CADPS2: variants seen among roughly 807,000 people sequenced by gnomAD.
CADPS2 encodes the protein calcium-dependent secretion activator 2.
A neutral mutation model predicts 172.5 loss-of-function variants in CADPS2; 93 were observed. The ratio of observed to expected loss-of-function variants is 0.54; its 90% CI spans 0.46 to 0.64. The LOEUF (loss-of-function observed/expected upper bound fraction) is 0.64. Among genes scored for constraint, CADPS2 ranks in the 30% least tolerant of loss-of-function variants. The pLI, the probability that CADPS2 is intolerant of heterozygous loss-of-function variation, is 0.00. For missense variants in CADPS2, 1,420 were observed against 1,565.9 expected, an observed-to-expected ratio of 0.91 and a Z score of 1.57; for synonymous variants, 546 against 555.2, an observed-to-expected ratio of 0.98 and a Z score of 0.23.
At chr7:122,523,741 C>T (rs1026090355) in intron 8 of CADPS2, among the ~76,000 whole-genome samples, 2 of 151,938 alleles carry the variant, frequency 1.3e-5, no homozygotes, top group African/African-American at 4.8e-5. Context: ...ATTTAAATAC[C>T]CTTCAAAATT....
At chr7:122,719,064 C>A (rs1445826942) in intron 2 of CADPS2, among the ~76,000 whole-genome samples, 1 of 152,090 alleles carries the variant, frequency 6.6e-6, no homozygotes, top group Non-Finnish European at 1.5e-5. Context: ...AATCCCTCTA[C>A]GTTATATAAA....
At chr7:122,807,197 T>C (rs766087107) in intron 1 of CADPS2, among the ~76,000 whole-genome samples, 1 of 152,168 alleles carries the variant, frequency 6.6e-6, no homozygotes, top group Non-Finnish European at 1.5e-5. Context: ...CCTTGGTAAG[T>C]TCATAGCCAG....
At chr7:122,619,687 C>T (rs770013642) in intron 5 of CADPS2, among the ~76,000 whole-genome samples, 5 of 151,952 alleles carry the variant, frequency 3.3e-5, no homozygotes, top group Non-Finnish European at 5.9e-5. Flanking sequence ...AATTAAGGGA[C>T]GAATTGTGTT....
intron 1 of CADPS2, among the ~76,000 whole-genome samples, chr7:122,855,412 T>G (rs1262462849): frequency 6.6e-6 from 1 of 152,174 alleles, no homozygotes; most frequent in Non-Finnish European, 1.5e-5. Context: ...AATAATATAG[T>G]CTGGAATTCA....
At position 122,820,749 on chromosome 7, in the gene CADPS2, C is replaced by T. The variant is rs1380754393; in HGVS notation, c.339+65250G>A. Reference sequence around the variant, plus strand: ...TAATTTTTTGTATTTTTAGTAGAGACGGGGTTTCACCTTGTTAGCCAGGAT... The same window carrying T: ...TAATTTTTTGTATTTTTAGTAGAGATGGGGTTTCACCTTGTTAGCCAGGAT... On this transcript the variant is annotated intron_variant, in intron 1 of 29. Transcript: ENST00000449022. Among the ~76,000 whole-genome samples, 6 of 133,570 alleles carry T rather than the reference C, an allele frequency of 4.5e-5. 1 individual carries two copies. Among genetic ancestry groups the T allele is most frequent in the Non-Finnish European group, 9.6e-5 (6 of 62,736 alleles). The allele number at this position is 133,570 out of a possible 152,430, so 87.6% of individuals were successfully genotyped here. A position where few individuals can be genotyped will look rare whatever the true frequency, so the allele number is the denominator to read the frequency against.
intron 1 of CADPS2, among the ~76,000 whole-genome samples, chr7:122,748,159 AG>A (rs2092797531): frequency 2.6e-5 from 4 of 152,172 alleles, no homozygotes; most frequent in Non-Finnish European, 4.4e-5. Context: ...CATTGAGCAA[AG>A]ACTCCAGCAC....
intron 12 of CADPS2, 70 bp from the exon 13 acceptor site, chr7:122,474,587 A>C: frequency 6.9e-7 from 1 of 1,458,880 alleles, no homozygotes; most frequent in South Asian, 1.2e-5. Context: ...CAAGTTGTGA[A>C]GAATACAAAA....
chr7:122,782,498 C>A (rs561857133), intron 1 of CADPS2, among the ~76,000 whole-genome samples: 1 of 152,182 alleles, frequency 6.6e-6, no homozygotes, highest in Non-Finnish European at 1.5e-5. Flanking sequence ...GCGGTCCCAG[C>A]TACTCAGGAT....
intron 17 of CADPS2, among the ~76,000 whole-genome samples, chr7:122,418,243 T>TG (rs1396939346): frequency 6.6e-6 from 1 of 152,102 alleles, no homozygotes; most frequent in African/African-American, 2.4e-5. Context: ...GCTTCCCACG[T>TG]GTTAGCACAC....
chr7:122,491,439 G>C lies in CADPS2; in HGVS notation c.1543-19C>G. 1.4e-6 allele frequency: 2 copies of C among 1,403,690 alleles called. No individual in the cohort carries two copies. The highest frequency in any genetic ancestry group is 2.0e-6 in the Non-Finnish European group (2 of 1,015,866). The allele number at this position is 1,403,690 out of a possible 1,614,324, so 87.0% of individuals were successfully genotyped here. ...GGCTAACCTGCTCGAGAAAAAAAAAGTTTACAGATTAGTCACATTAAATTT... is the reference window on the plus strand; with the variant it reads ...GGCTAACCTGCTCGAGAAAAAAAAACTTTACAGATTAGTCACATTAAATTT... On this transcript the variant is annotated intron_variant, in intron 9 of 29. Coordinates refer to ENST00000449022, the MANE Select transcript of CADPS2 (RefSeq NM_017954.11).
intron 1 of CADPS2, among the ~76,000 whole-genome samples, chr7:122,799,417 G>A (rs1406423090): frequency 6.6e-6 from 1 of 152,052 alleles, no homozygotes; most frequent in African/African-American, 2.4e-5. Context: ...GGCTAACACA[G>A]TGAAACCCCG....
chr7:122,840,961 C>T (rs1360845297), intron 1 of CADPS2, among the ~76,000 whole-genome samples: 2 of 151,970 alleles, frequency 1.3e-5, no homozygotes, highest in Admixed American at 6.6e-5. Context: ...CCCATAAGAA[C>T]AACAAAAGTT....
At chr7:122,510,791 C>T (rs939022959) in intron 9 of CADPS2, among the ~76,000 whole-genome samples, 5 of 152,266 alleles carry the variant, frequency 3.3e-5, no homozygotes, top group African/African-American at 7.2e-5. Context: ...ATAAAAACTA[C>T]CCAGTTCCTC....
chr7:122,727,101 T>C (rs1235260124), intron 2 of CADPS2, among the ~76,000 whole-genome samples: 2 of 151,914 alleles, frequency 1.3e-5, no homozygotes, highest in Admixed American at 1.3e-4. Flanking sequence ...GACACTGGAT[T>C]TAAAGAACCA....
intron 1 of CADPS2, among the ~76,000 whole-genome samples, chr7:122,862,128 A>G (rs1303389479): frequency 6.6e-6 from 1 of 152,224 alleles, no homozygotes; most frequent in African/African-American, 2.4e-5. Context: ...TTCAGACTGA[A>G]GCAAGCTATA....
chr7:122,697,237 T>G (rs1031369512), intron 2 of CADPS2, among the ~76,000 whole-genome samples: 1 of 152,118 alleles, frequency 6.6e-6, no homozygotes, highest in Non-Finnish European at 1.5e-5. Context: ...TGAACAGAAC[T>G]ATTTATCAAG....
intron 17 of CADPS2, among the ~76,000 whole-genome samples, chr7:122,417,589 C>T (rs926930467): frequency 6.6e-6 from 1 of 152,130 alleles, no homozygotes; most frequent in Non-Finnish European, 1.5e-5. Context: ...TTTCAACATC[C>T]TCAAAGAAGC....
At chr7:122,870,401 GTT>G (rs2141474940) in intron 1 of CADPS2, among the ~76,000 whole-genome samples, 1 of 152,100 alleles carries the variant, frequency 6.6e-6, no homozygotes, top group South Asian at 2.1e-4. Context: ...TCATCAAAAA[GTT>G]ATAATAATTG....
chr7:122,336,811 A>T (rs1382348320), intron 28 of CADPS2, among the ~76,000 whole-genome samples: 1 of 152,058 alleles, frequency 6.6e-6, no homozygotes, highest in African/African-American at 2.4e-5. Flanking sequence ...GGTGATCAAC[A>T]TTTTCTTTTT....
Sources: allele counts gnomAD v4.1 joint callset (sites outside exome capture counted in the v4.1 genomes callset), GRCh38; gene constraint gnomAD v4.1.1; transcripts MANE v1.5; gene names NCBI Gene and HGNC (gene_info 2026-07-23, HGNC 2026-07-21).